The following NAALADL2 variants were observed in gnomAD, a reference collection of about 807,000 sequenced individuals.
NAALADL2 encodes the protein inactive N-acetylated-alpha-linked acidic dipeptidase-like protein 2.
In NAALADL2, 76 loss-of-function variants were observed where a neutral mutation model predicts 87.2. The ratio of observed to expected loss-of-function variants is 0.87; its 90% CI spans 0.72 to 1.05. The LOEUF (loss-of-function observed/expected upper bound fraction) is 1.05. Ranked by LOEUF, NAALADL2 falls within the 50% of genes least tolerant of loss-of-function variation. The pLI, the probability that NAALADL2 is intolerant of heterozygous loss-of-function variation, is 0.00. For missense variants in NAALADL2, 1,089 were observed against 945.8 expected (o/e 1.15, Z -1.99); for synonymous variants, 354 against 331.0 (o/e 1.07, Z -0.75).
chr3:175,317,772 G>C (rs1258312946), intron 4 of NAALADL2, among the ~76,000 whole-genome samples: 1 of 152,094 alleles, frequency 6.6e-6, no homozygotes, highest in Non-Finnish European at 1.5e-5. Flanking sequence ...AATTATTTTT[G>C]GGTACATTGG....
chr3:174,939,768 A>G (rs1738279527), intron 1 of NAALADL2, among the ~76,000 whole-genome samples: 1 of 151,828 alleles, frequency 6.6e-6, no homozygotes, highest in African/African-American at 2.4e-5. Flanking sequence ...CTTTGTGGCA[A>G]TTGTGAATGA....
At chr3:175,655,436 A>G (rs1441871609) in intron 11 of NAALADL2, 10 of 327,272 alleles carry the variant, frequency 3.1e-5, no homozygotes, top group Non-Finnish European at 1.2e-5. Flanking sequence ...TTTGCCAAAC[A>G]ATGCGTTATT....
intron 1 of NAALADL2, among the ~76,000 whole-genome samples, chr3:175,075,983 T>A: frequency 6.6e-6 from 1 of 152,058 alleles, no homozygotes; most frequent in East Asian, 1.9e-4. Context: ...ATCCCAGTAC[T>A]TTAGGAGGCC....
chr3:175,206,273 T>C lies in NAALADL2; in HGVS notation c.546-27658T>C, dbSNP rs1295689862. ...ATATATATATATATATTTTTTTTTT[T>C]CACTGTGTGTGTGTATGTATGTGTA... On this transcript the variant is annotated intron_variant, in intron 2 of 13. Transcript: ENST00000454872. Among the ~76,000 whole-genome samples the C allele has an allele frequency of 3.4e-4, 26 of 76,878 alleles. 2 individuals are homozygous for C. Among genetic ancestry groups the C allele is most frequent in the African/African-American group, 1.1e-3 (24 of 20,972 alleles). 50.4% of individuals were successfully genotyped at this position (76,878 alleles called of 152,430 possible).
At chr3:175,716,654 G>T (rs1408196758) in intron 11 of NAALADL2, among the ~76,000 whole-genome samples, 1 of 152,084 alleles carries the variant, frequency 6.6e-6, no homozygotes, top group Admixed American at 6.6e-5. Flanking sequence ...TGATTTAGAG[G>T]GAAAGTGGCT....
intron 3 of NAALADL2, among the ~76,000 whole-genome samples, chr3:174,763,832 A>T (rs942635216): frequency 1.9e-4 from 28 of 144,718 alleles, no homozygotes; most frequent in African/African-American, 6.1e-4. Flanking sequence ...AACAAAACAA[A>T]AAAAAAAAAA....
intron 11 of NAALADL2, among the ~76,000 whole-genome samples, chr3:175,706,081 T>G (rs559510596): frequency 6.6e-6 from 1 of 151,992 alleles, no homozygotes; most frequent in Admixed American, 6.6e-5. Context: ...AATGACAAAA[T>G]AGACCATGAA....
At chr3:175,683,919 A>T (rs534005865) in intron 11 of NAALADL2, among the ~76,000 whole-genome samples, 2 of 152,190 alleles carry the variant, frequency 1.3e-5, no homozygotes, top group South Asian at 4.1e-4. Context: ...AGGAAGAAAA[A>T]AGAGTGTAAG....
rs9853305 is a variant in NAALADL2 at position 174,947,436 on chromosome 3, C to A, written c.43+87986C>A. On this transcript the variant is annotated intron_variant, in intron 1 of 13. Transcript: ENST00000454872. ...GGCATAATCTGAATATGACCTTTTTCTAAGATTAACAGTTCCTTCCTTAAG... is the reference window on the plus strand; with the variant it reads ...GGCATAATCTGAATATGACCTTTTTATAAGATTAACAGTTCCTTCCTTAAG... Among the ~76,000 whole-genome samples the A allele has an allele frequency of 5.6e-3, 850 of 152,134 alleles. 5 individuals carry two copies. The highest frequency in any genetic ancestry group is 0.018 in the African/African-American group (732 of 41,512).
chr3:174,549,498 T>C (rs948791460), intron 1 of NAALADL2, among the ~76,000 whole-genome samples: 22 of 152,186 alleles, frequency 1.4e-4, no homozygotes, highest in African/African-American at 4.8e-4. Flanking sequence ...TTTTAATAAA[T>C]AGAATGAATC....
intron 9 of NAALADL2, among the ~76,000 whole-genome samples, chr3:175,566,206 T>G (rs1044547579): frequency 6.6e-6 from 1 of 152,154 alleles, no homozygotes; most frequent in Non-Finnish European, 1.5e-5. Context: ...ACACGTAACA[T>G]ATAGTTCAGA....
At chr3:175,310,529 G>A (rs1581363367) in intron 4 of NAALADL2, among the ~76,000 whole-genome samples, 1 of 151,812 alleles carries the variant, frequency 6.6e-6, no homozygotes, top group African/African-American at 2.4e-5. Context: ...ATACTTATTA[G>A]TTATTATCTG....
intron 11 of NAALADL2, among the ~76,000 whole-genome samples, chr3:175,670,862 T>A (rs1239624909): frequency 6.6e-6 from 1 of 151,444 alleles, no homozygotes; most frequent in African/African-American, 2.4e-5. Flanking sequence ...TTTCAAAAAA[T>A]TCAACTCAAA....
At chr3:175,644,379 C>T (rs1729706642) in intron 11 of NAALADL2, among the ~76,000 whole-genome samples, 1 of 151,866 alleles carries the variant, frequency 6.6e-6, no homozygotes, top group Admixed American at 6.6e-5. Context: ...TTATATTATA[C>T]ATCTTTATAA....
intron 2 of NAALADL2, among the ~76,000 whole-genome samples, chr3:174,643,261 C>T (rs1723437742): frequency 6.6e-6 from 1 of 151,902 alleles, no homozygotes; most frequent in Non-Finnish European, 1.5e-5. Context: ...GGTGAAGGGA[C>T]AATAAACAAG....
chr3:175,452,302 C>A (rs1378189325), intron 6 of NAALADL2, among the ~76,000 whole-genome samples: 1 of 151,946 alleles, frequency 6.6e-6, no homozygotes, highest in African/African-American at 2.4e-5. Flanking sequence ...TCTTGGTAGA[C>A]AATGGAGTAG....
At chr3:174,719,763 C>T (rs1463943127) in intron 2 of NAALADL2, among the ~76,000 whole-genome samples, 1 of 152,148 alleles carries the variant, frequency 6.6e-6, no homozygotes, top group African/African-American at 2.4e-5. Context: ...TACATTTTGT[C>T]AGTAAAGCTG....
chr3:174,744,018 A>T (rs573003885), intron 3 of NAALADL2, among the ~76,000 whole-genome samples: 1 of 151,896 alleles, frequency 6.6e-6, no homozygotes, highest in African/African-American at 2.4e-5. Flanking sequence ...TTATACATTG[A>T]TTAAGTTTGT....
intron 2 of NAALADL2, among the ~76,000 whole-genome samples, chr3:175,099,592 G>T (rs372320133): frequency 1.3e-5 from 2 of 151,952 alleles, no homozygotes; most frequent in African/African-American, 4.8e-5. Context: ...CCTTAATTCC[G>T]TACCTCCTAG....
Sources: gnomAD v4.1 joint callset for allele counts (sites outside exome capture counted in the v4.1 genomes callset) on GRCh38, gnomAD v4.1.1 for gene constraint, MANE v1.5 for transcripts, NCBI Gene and HGNC (gene_info 2026-07-23, HGNC 2026-07-21) for gene names.